Variants in ABCC3 observed in about 807,000 individuals in gnomAD.
ABCC3 encodes ATP-binding cassette sub-family C member 3.
A neutral mutation model predicts 165.3 loss-of-function variants in ABCC3; 121 were observed. The ratio of observed to expected loss-of-function variants is 0.73; its 90% confidence interval spans 0.63 to 0.85. The LOEUF is 0.85. ABCC3 is among the 40% of genes least tolerant of loss of function. The probability of loss-of-function intolerance (pLI) is 0.00; values close to 1 mark genes in which losing one functional copy is unlikely to be tolerated. For synonymous variants in ABCC3, 733 were observed against 810.1 expected (o/e 0.90, Z 1.62); for missense variants, 1,869 against 1,964.1 (o/e 0.95, Z 0.92).
At chr17:50,668,721 CT>C in intron 14 of ABCC3, 131 bp from the exon 15 acceptor site, 4 of 842,566 alleles carry the variant, frequency 4.7e-6, no homozygotes, top group Non-Finnish European at 7.8e-6. Flanking sequence ...TTCTTCCTCC[CT>C]TTTCCCAAGG....
chr17:50,651,521 G>A (rs1967115902), intron 1 of ABCC3, among the ~76,000 whole-genome samples: 2 of 152,082 alleles, frequency 1.3e-5, no homozygotes, highest in South Asian at 2.1e-4. Context: ...TCAGGATTTC[G>A]AGACCAGCCT....
At chr17:50,659,977 C>A (rs1255406171) in intron 7 of ABCC3, among the ~76,000 whole-genome samples, 2 of 152,144 alleles carry the variant, frequency 1.3e-5, no homozygotes, top group Non-Finnish European at 2.9e-5. Flanking sequence ...TAGAGTGAGA[C>A]CTTTTCTCAA....
rs376990348 is a variant in ABCC3 at position 50,684,026 on chromosome 17, G to A, written c.4032G>A (p.Lys1344=). The part of the protein sequence containing the change: ...LCLFRILEAA[K]GEIRIDGLNV... ...TGTTCCGCATCCTGGAGGCGGCAAAGGGTGAAATCCGCATTGATGGCCTCA... is the reference window on the plus strand; with the variant it reads ...TGTTCCGCATCCTGGAGGCGGCAAAAGGTGAAATCCGCATTGATGGCCTCA... Residue 1344 remains lysine (K), a synonymous_variant, in exon 28 of 31, where the codon AAG becomes AAA. Coordinates refer to ENST00000285238, the MANE Select transcript of ABCC3 (RefSeq NM_003786.4). 4 of 1,612,932 alleles carry A rather than the reference G, an allele frequency of 2.5e-6. No homozygotes were observed. Among genetic ancestry groups the A allele is most frequent in the Non-Finnish European group, 3.4e-6 (4 of 1,179,698 alleles).
chr17:50,669,622 A>G, intron 17 of ABCC3, 94 bp downstream of exon 17: 3 of 1,372,078 alleles, frequency 2.2e-6, no homozygotes, highest in East Asian at 2.3e-5. Flanking sequence ...TCATTCACAC[A>G]TTGGTGTAAC....
Position 50,684,888 on chromosome 17 carries a change from A to C in ABCC3, c.4280+13A>C. 6.2e-7 allele frequency: 1 copy of C among 1,612,688 alleles called. No homozygotes were observed. The highest frequency in any genetic ancestry group is 8.5e-7 in the Non-Finnish European group (1 of 1,179,372). On this transcript the variant is annotated intron_variant, in intron 29 of 30. Transcript: ENST00000285238. ...GGGAGAATCTCAGGTAAACACTGGG[A>C]GTGCAGAGGTCAGGAACTGCAACCC...
rs776129645 is a variant in ABCC3, at chr17:50,673,422, G to A, written c.2410-47G>A. Reference sequence around the variant, plus strand: ...CTGTGGCTCCGTGCCTGTGCCAGGGGTGTGCTGGAGGGTGGTAGGGGTGAG... The same window carrying A: ...CTGTGGCTCCGTGCCTGTGCCAGGGATGTGCTGGAGGGTGGTAGGGGTGAG... On this transcript the variant is annotated intron_variant, in intron 18 of 30. Transcript: ENST00000285238. 1.9e-6 allele frequency: 3 copies of A among 1,594,140 alleles called. No individual in the cohort carries two copies. The South Asian group carries it at 3.4e-5, about 18-fold the overall frequency.
At chr17:50,651,987 C>A (rs1370361550) in intron 1 of ABCC3, among the ~76,000 whole-genome samples, 3 of 152,204 alleles carry the variant, frequency 2.0e-5, no homozygotes, top group Non-Finnish European at 4.4e-5. Flanking sequence ...GAAAACATGT[C>A]TGTTTCAGTC....
At chr17:50,665,491 G>A (rs1967503494) in intron 11 of ABCC3, among the ~76,000 whole-genome samples, 2 of 152,190 alleles carry the variant, frequency 1.3e-5, no homozygotes, top group Admixed American at 1.3e-4. Context: ...AGGCAGGGCT[G>A]GGACTCAAAC....
In ABCC3 at chr17:50,677,856, A is replaced by G; in HGVS notation, c.3491A>G (p.Tyr1164Cys). 2 of 1,614,094 alleles carry G rather than the reference A, an allele frequency of 1.2e-6. No individual in the cohort carries two copies. Among genetic ancestry groups the G allele is most frequent in the Non-Finnish European group, 1.7e-6 (2 of 1,180,022 alleles). Reference protein sequence around the residue: ...TVTGASVIRAYNRSRDFEIIS... With the variant: ...TVTGASVIRACNRSRDFEIIS... ...ACTGGTGCCAGTGTCATCCGGGCCTACAACCGCAGCCGGGATTTTGAGATC... is the reference window on the plus strand; with the variant it reads ...ACTGGTGCCAGTGTCATCCGGGCCTGCAACCGCAGCCGGGATTTTGAGATC... The change falls in exon 24 of 31, where the codon TAC becomes TGC. Residue 1164 changes from tyrosine to cysteine, a missense_variant. Coordinates refer to ENST00000285238, the MANE Select transcript of ABCC3 (RefSeq NM_003786.4).
intron 2 of ABCC3, 100 bp from the exon 3 acceptor site, chr17:50,656,602 G>T (rs968538784): frequency 4.0e-6 from 6 of 1,484,500 alleles, no homozygotes; most frequent in Non-Finnish European, 5.4e-6. Flanking sequence ...TCCCAGGCAG[G>T]TCTAGTGGAT....
At chr17:50,690,967 G>T (rs1567841068) in intron 30 of ABCC3, 125 bp from the exon 31 acceptor site, 10 of 668,378 alleles carry the variant, frequency 1.5e-5, no homozygotes, top group East Asian at 2.7e-5. Flanking sequence ...ATGTGGTGCG[G>T]TGGCTGTGTT....
At position 50,669,209 on chromosome 17, in the gene ABCC3, C is replaced by A. The variant is rs764133575; in HGVS notation, c.2007C>A (p.Ser669=). Residue 669 remains serine, a synonymous_variant, in exon 16 of 31, where the codon TCC becomes TCA. Transcript: ENST00000285238. Reference sequence around the variant, plus strand: ...GGCCTGTGGGCTGTGGGAAGTCCTCCCTGGTGTCTGCCCTGCTGGGAGAGA... The same window carrying A: ...GGCCTGTGGGCTGTGGGAAGTCCTCACTGGTGTCTGCCCTGCTGGGAGAGA... ...VVGPVGCGKS[S]LVSALLGEME... 1 of 1,612,250 alleles carries A rather than the reference C, an allele frequency of 6.2e-7. No homozygotes were observed. Among genetic ancestry groups the A allele is most frequent in the Non-Finnish European group, 8.5e-7 (1 of 1,179,436 alleles).
chr17:50,687,026 G>T (rs551420110), intron 29 of ABCC3, among the ~76,000 whole-genome samples: 1 of 152,106 alleles, frequency 6.6e-6, no homozygotes, highest in African/African-American at 2.4e-5. Flanking sequence ...AAGAGTCCCC[G>T]GGTGTTCCTC....
Position 50,683,448 on chromosome 17 carries a change from G to A in ABCC3, c.3808-162G>A, listed in dbSNP as rs190945231. Among the ~76,000 whole-genome samples the A allele has an allele frequency of 5.3e-5, 8 of 152,042 alleles. No individual in the cohort carries two copies. In the East Asian group the frequency reaches 1.6e-3, roughly 30 times the overall value. ...GGTCTGTGGGGAATAAAGTCAGAGG[G>A]ATAAAGGAGTCATTGAACACAAGGC... is the stretch of plus-strand genomic sequence containing the variant. On this transcript the variant is annotated intron_variant, in intron 26 of 30. Transcript: ENST00000285238.
At chr17:50,670,104 C>A (rs1005079543) in intron 17 of ABCC3, among the ~76,000 whole-genome samples, 2 of 150,626 alleles carry the variant, frequency 1.3e-5, no homozygotes, top group Non-Finnish European at 3.0e-5. Context: ...TTTTTTTAGA[C>A]AGAGCCTTGC....
At chr17:50,664,142 T>C (rs1332688148) in intron 10 of ABCC3, 31 bp downstream of exon 10, 1 of 1,611,326 alleles carries the variant, frequency 6.2e-7, no homozygotes, top group East Asian at 2.2e-5. Flanking sequence ...TCTGCCTCCT[T>C]CCTCTGACAT....
At chr17:50,641,038 G>T (rs946897811) in intron 1 of ABCC3, among the ~76,000 whole-genome samples, 14 of 152,174 alleles carry the variant, frequency 9.2e-5, no homozygotes, top group African/African-American at 3.1e-4. Context: ...ACTGTCAACA[G>T]GCCTGGGGCC....
rs764451902 is a variant in ABCC3 at position 50,687,536 on chromosome 17, C to T, written c.4281C>T (p.Ser1427=). The change falls in exon 30 of 31, where the codon AGC becomes AGT. Residue 1427 remains serine, a splice_region_variant and synonymous_variant. Transcript: ENST00000285238. ...AAATGCCTGCCTTCTCCACTCCCAGCGTGGGCCAGAGGCAGCTCGTGTGCC... is the reference window on the plus strand; with the variant it reads ...AAATGCCTGCCTTCTCCACTCCCAGTGTGGGCCAGAGGCAGCTCGTGTGCC... ...FQCSEGGENL[S]VGQRQLVCLA... 26 of 1,612,428 alleles carry T rather than the reference C, an allele frequency of 1.6e-5. No individual in the cohort carries two copies. The highest frequency in any genetic ancestry group is 3.3e-5 in the Admixed American group (2 of 59,998).
At chr17:50,680,346 G>A (rs1967906200) in intron 26 of ABCC3, among the ~76,000 whole-genome samples, 1 of 152,134 alleles carries the variant, frequency 6.6e-6, no homozygotes, top group African/African-American at 2.4e-5. Context: ...CAAAGGAGTG[G>A]AGGTGGGGCA....
Sources: gnomAD v4.1 joint callset for allele counts (sites outside exome capture counted in the v4.1 genomes callset) on GRCh38, gnomAD v4.1.1 for gene constraint, MANE v1.5 for transcripts, NCBI Gene and HGNC (gene_info 2026-07-23, HGNC 2026-07-21) for gene names.